The following RANBP2 variants were observed in gnomAD, a reference collection of about 807,000 sequenced individuals.
The protein encoded by RANBP2 is E3 SUMO-protein ligase RanBP2.
RANBP2 carries 57 observed loss-of-function variants against 303.6 expected under a neutral mutation model. The ratio of observed to expected loss-of-function variants is 0.19; its 90% CI spans 0.15 to 0.23. The LOEUF (loss-of-function observed/expected upper bound fraction) is 0.23, where lower values mean the gene tolerates loss of function less well. Ranked by LOEUF, RANBP2 falls within the 10% of genes least tolerant of loss-of-function variation. The pLI is 1.00. For missense variants in RANBP2, 3,138 were observed against 3,780.8 expected (o/e 0.83, Z 4.46); for synonymous variants, 1,167 against 1,301.5 (o/e 0.90, Z 2.23).
At chr2:108,773,621 A>G (rs1558934113) in intron 23 of RANBP2, among the ~76,000 whole-genome samples, 1 of 151,692 alleles carries the variant, frequency 6.6e-6, no homozygotes, top group Non-Finnish European at 1.5e-5. Context: ...GATTTAACAC[A>G]ACACCAGTCA....
At chr2:109,076,819 C>T in the RANBP2 span, among the ~76,000 whole-genome samples, 1,447 of 150,450 alleles carry the variant, frequency 9.6e-3, 86 homozygotes, top group Non-Finnish European at 0.017. Context: ...TTATACTGCC[C>T]AAAGTGACCT....
chr2:108,827,741 A>G, the RANBP2 span, among the ~76,000 whole-genome samples: 15 of 151,740 alleles, frequency 9.9e-5, no homozygotes, highest in South Asian at 2.1e-4. Context: ...GCATGAACCC[A>G]GGAGGCGGAG....
chr2:109,394,827 C>T, the RANBP2 span, among the ~76,000 whole-genome samples: 3 of 152,230 alleles, frequency 2.0e-5, no homozygotes, highest in Admixed American at 1.3e-4. Flanking sequence ...GGCTTCCCTG[C>T]AGCATGGAGG....
the RANBP2 span, chr2:108,910,730 A>G: frequency 6.2e-7 from 1 of 1,602,716 alleles, no homozygotes; most frequent in East Asian, 2.2e-5. Context: ...CTCCACCCAG[A>G]GATGGGCACC....
the RANBP2 span, chr2:109,347,540 C>T: frequency 1.6e-6 from 2 of 1,216,260 alleles, no homozygotes; most frequent in African/African-American, 3.1e-5. Context: ...AAATATTTTC[C>T]ACTTGCGGGG....
chr2:109,403,881 G>A, the RANBP2 span, among the ~76,000 whole-genome samples: 3 of 152,286 alleles, frequency 2.0e-5, no homozygotes, highest in East Asian at 3.9e-4. Flanking sequence ...CAAGCTGTGC[G>A]CCCCCACCAT....
At chr2:108,965,479 A>AAC in the RANBP2 span, among the ~76,000 whole-genome samples, 1 of 147,758 alleles carries the variant, frequency 6.8e-6, no homozygotes, top group Non-Finnish European at 1.5e-5. Flanking sequence ...AAAAAAAAAA[A>AAC]GATAATAAAT....
the RANBP2 span, among the ~76,000 whole-genome samples, chr2:109,120,667 CAAAAA>C: frequency 3.3e-5 from 2 of 59,894 alleles, no homozygotes; most frequent in Admixed American, 2.0e-4. Flanking sequence ...AACTCCGTCT[CAAAAA>C]AAAAAAAAAA....
At chr2:109,037,595 A>G in the RANBP2 span, among the ~76,000 whole-genome samples, 3 of 152,186 alleles carry the variant, frequency 2.0e-5, no homozygotes, top group Non-Finnish European at 4.4e-5. Flanking sequence ...GAATTAATGT[A>G]AAGTCGGCAA....
chr2:109,355,497 A>G, the RANBP2 span, among the ~76,000 whole-genome samples: 1 of 152,244 alleles, frequency 6.6e-6, no homozygotes, highest in Admixed American at 6.5e-5. Flanking sequence ...TCATGCTACA[A>G]TGGAGGGTTG....
At chr2:109,172,850 C>A in the RANBP2 span, among the ~76,000 whole-genome samples, 107 of 152,358 alleles carry the variant, frequency 7.0e-4, no homozygotes, top group African/African-American at 2.4e-3. Flanking sequence ...TGTAGAAGAG[C>A]ACTGCCTTAG....
chr2:109,061,810 G>A, the RANBP2 span, among the ~76,000 whole-genome samples: 1 of 152,152 alleles, frequency 6.6e-6, no homozygotes, highest in African/African-American at 2.4e-5. Flanking sequence ...TTAAGGTCTG[G>A]TGGGCCCGTG....
chr2:108,999,048 A>C, the RANBP2 span, among the ~76,000 whole-genome samples: 1 of 152,216 alleles, frequency 6.6e-6, no homozygotes, highest in African/African-American at 2.4e-5. Context: ...TATCCATTTT[A>C]GTGCTTATTG....
At chr2:109,102,210 C>G in the RANBP2 span, among the ~76,000 whole-genome samples, 2 of 152,040 alleles carry the variant, frequency 1.3e-5, no homozygotes, top group African/African-American at 4.8e-5. Context: ...ACGCCATTCT[C>G]CTGCCTCAAC....
the RANBP2 span, among the ~76,000 whole-genome samples, chr2:109,542,180 C>G: frequency 6.6e-6 from 1 of 152,030 alleles, no homozygotes; most frequent in African/African-American, 2.4e-5. Context: ...TAATCTTGTG[C>G]CTGATGATAA....
chr2:109,569,436 TTA>T, the RANBP2 span, among the ~76,000 whole-genome samples: 1 of 118,558 alleles, frequency 8.4e-6, no homozygotes, highest in Non-Finnish European at 1.7e-5. Flanking sequence ...AAAACTCTTG[TTA>T]AAAAAAAAAA....
chr2:108,754,849 T>A, intron 15 of RANBP2, 56 bp from the exon 16 acceptor site: 1 of 1,608,356 alleles, frequency 6.2e-7, no homozygotes, highest in Non-Finnish European at 8.5e-7. Context: ...TTTAGAGTTT[T>A]TACTTTTGGA....
chr2:108,998,010 A>T, the RANBP2 span, among the ~76,000 whole-genome samples: 4 of 152,072 alleles, frequency 2.6e-5, no homozygotes, highest in African/African-American at 9.7e-5. Context: ...AATGATGGTG[A>T]TTGTCTTTTA....
the RANBP2 span, among the ~76,000 whole-genome samples, chr2:109,043,360 T>A: frequency 6.6e-6 from 1 of 152,114 alleles, no homozygotes; most frequent in East Asian, 1.9e-4. Flanking sequence ...TTTTTTTTTT[T>A]GAGACGGAGT....
Sources: gnomAD v4.1 joint callset for allele counts (sites outside exome capture counted in the v4.1 genomes callset) on GRCh38, gnomAD v4.1.1 for gene constraint, MANE v1.5 for transcripts, NCBI Gene and HGNC (gene_info 2026-07-23, HGNC 2026-07-21) for gene names.